The following MYH13 variants were observed in gnomAD, a reference collection of about 807,000 sequenced individuals.
MYH13 encodes myosin heavy chain 13.
Under a neutral mutation model 232.1 loss-of-function variants are expected in MYH13, and 177 were observed. That is an observed-to-expected ratio of 0.76 (90% CI 0.67 to 0.86). The LOEUF is 0.86. Ranked by LOEUF, MYH13 falls within the 40% of genes least tolerant of loss-of-function variation. The pLI, the probability that MYH13 is intolerant of heterozygous loss-of-function variation, is 0.00. For missense variants in MYH13, 2,246 were observed against 2,405.9 expected (o/e 0.93, Z 1.39); for synonymous variants, 884 against 923.5 (o/e 0.96, Z 0.78).
chr17:10,364,676 T>C (rs2071819865), intron 2 of MYH13, 134 bp from the exon 3 acceptor site: 1 of 716,946 alleles, frequency 1.4e-6, no homozygotes, highest in Non-Finnish European at 2.3e-6. Context: ...GAGGGATCTA[T>C]GGCCAGGTCT....
chr17:10,343,968 C>G lies in MYH13; in HGVS notation c.1726G>C (p.Glu576Gln). The change falls in exon 16 of 41, where the codon GAG (glutamate) becomes CAG (glutamine). Residue 576 changes from glutamate to glutamine, a missense_variant. Physicochemically the swap from Glu to Gln is conservative, Grantham distance 29. Transcript: ENST00000252172. Reference sequence around the variant, plus strand: ...TAGTGCACCAGCGAGAAGTGAGCCTCAGCCTTGCCTTTGGCAGGCTTGGGC... The same window carrying G: ...TAGTGCACCAGCGAGAAGTGAGCCTGAGCCTTGCCTTTGGCAGGCTTGGGC... ...QKPKPAKGKAEAHFSLVHYAG... is the reference protein window; with the variant it reads ...QKPKPAKGKAQAHFSLVHYAG... The G allele has an allele frequency of 1.2e-6, 2 of 1,614,232 alleles. No individual in the cohort carries two copies. Among genetic ancestry groups the G allele is most frequent in the Non-Finnish European group, 1.7e-6 (2 of 1,180,044 alleles).
intron 5 of MYH13, 68 bp from the exon 6 acceptor site, chr17:10,360,256 T>C: frequency 2.6e-6 from 4 of 1,537,312 alleles, no homozygotes; most frequent in Non-Finnish European, 3.5e-6. Context: ...TAAAGTAACA[T>C]TGGGGGTGGT....
chr17:10,305,074 C>T (rs1388502565), intron 37 of MYH13, among the ~76,000 whole-genome samples: 1 of 152,208 alleles, frequency 6.6e-6, no homozygotes, highest in East Asian at 1.9e-4. Context: ...ACCTCCTGGA[C>T]CCAGGAAATG....
At chr17:10,341,640 C>T (rs754534431) in intron 16 of MYH13, among the ~76,000 whole-genome samples, 1 of 152,098 alleles carries the variant, frequency 6.6e-6, no homozygotes, top group Non-Finnish European at 1.5e-5. Context: ...ACTTTGTCCC[C>T]GGGGTCTAGC....
At chr17:10,370,922 C>G (rs2071873477) in intron 2 of MYH13, among the ~76,000 whole-genome samples, 1 of 152,156 alleles carries the variant, frequency 6.6e-6, no homozygotes, top group African/African-American at 2.4e-5. Flanking sequence ...ACCCTATGAA[C>G]ATCATGTTCT....
At chr17:10,302,687 G>A (rs879310597) in intron 39 of MYH13, among the ~76,000 whole-genome samples, 22 of 152,062 alleles carry the variant, frequency 1.4e-4, no homozygotes, top group Admixed American at 3.3e-4. Context: ...CTTTCCTATT[G>A]ATTTCACCTA....
chr17:10,305,842 C>T (rs1906261683), intron 37 of MYH13, among the ~76,000 whole-genome samples: 1 of 152,122 alleles, frequency 6.6e-6, no homozygotes, highest in Admixed American at 6.6e-5. Context: ...GTCCAGGTGT[C>T]GGGGGGTTGA....
At position 10,333,244 on chromosome 17, in the gene MYH13, A is replaced by T. The variant is rs1597381682; in HGVS notation, c.2057-53T>A. 5 of 1,296,482 alleles carry T rather than the reference A, an allele frequency of 3.9e-6. No homozygotes were observed. In the African/African-American group the frequency reaches 7.2e-5, roughly 19 times the overall value. The allele number at this position is 1,296,482 out of a possible 1,614,324, so 80.3% of individuals were successfully genotyped here. ...CCTGTGACCCCTTCATTTGTTGTTG[A>T]TGGTCTGAGGCACCATGAGACCCTC... On this transcript the variant is annotated intron_variant, in intron 18 of 40. Transcript: ENST00000252172.
chr17:10,346,027 GAA>G (rs2071664261), intron 13 of MYH13, among the ~76,000 whole-genome samples: 1 of 87,178 alleles, frequency 1.1e-5, no homozygotes, highest in Non-Finnish European at 2.1e-5. Context: ...AAGAAAAAAA[GAA>G]AATCAAAAGC....
At chr17:10,337,506 A>T (rs1229752948) in intron 18 of MYH13, among the ~76,000 whole-genome samples, 3 of 152,072 alleles carry the variant, frequency 2.0e-5, no homozygotes, top group Admixed American at 6.5e-5. Flanking sequence ...GAGGGACTTG[A>T]GATTTGATCA....
intron 3 of MYH13, 102 bp from the exon 4 acceptor site, chr17:10,362,605 C>T (rs1209776688): frequency 5.5e-6 from 8 of 1,453,632 alleles, no homozygotes; most frequent in Non-Finnish European, 6.7e-6. Context: ...GGAGGAATTA[C>T]CGCATTGTGA....
At chr17:10,313,098 C>T (rs1260082789) in intron 30 of MYH13, 60 bp downstream of exon 30, 1 of 1,610,660 alleles carries the variant, frequency 6.2e-7, no homozygotes, top group Non-Finnish European at 8.5e-7. Flanking sequence ...TATGAAGACT[C>T]CTGGTCCCTT....
chr17:10,366,474 G>A (rs9915882), intron 2 of MYH13, among the ~76,000 whole-genome samples: 35,535 of 145,542 alleles, frequency 0.24, 4,625 homozygotes, highest in East Asian at 0.53. Flanking sequence ...TCCACCTCCC[G>A]GGTTCGAGCA....
chr17:10,334,793 C>T (rs748002217), intron 18 of MYH13, among the ~76,000 whole-genome samples: 19 of 151,838 alleles, frequency 1.3e-4, no homozygotes, highest in African/African-American at 1.9e-4. Context: ...TCAAGAGAAT[C>T]GCTTGAACCC....
rs780109248 is a variant in MYH13 at position 10,315,815 on chromosome 17, C to T, written c.3866-4G>A. On this transcript the variant is annotated splice_polypyrimidine_tract_variant and splice_region_variant and intron_variant, in intron 28 of 40. Transcript: ENST00000252172. Reference sequence around the variant, plus strand: ...TCCACTCGGTGGCTCAGCTCCCCTACCAAACAGATGTGGCCCCCACGTCAG... The same window carrying T: ...TCCACTCGGTGGCTCAGCTCCCCTATCAAACAGATGTGGCCCCCACGTCAG... 6.2e-7 allele frequency: 1 copy of T among 1,613,970 alleles called. No individual in the cohort carries two copies. Among genetic ancestry groups the T allele is most frequent in the Non-Finnish European group, 8.5e-7 (1 of 1,179,882 alleles).
intron 8 of MYH13, among the ~76,000 whole-genome samples, chr17:10,355,539 A>T (rs927248503): frequency 1.1e-4 from 16 of 152,224 alleles, no homozygotes; most frequent in Non-Finnish European, 4.4e-5. Flanking sequence ...GATATTGGCC[A>T]CCATGACCTC....
chr17:10,319,655 C>T (rs76015924), intron 26 of MYH13, among the ~76,000 whole-genome samples: 1,841 of 152,276 alleles, frequency 0.012, 37 homozygotes, highest in African/African-American at 0.043. Context: ...CACAAATCCA[C>T]GTCTATCATG....
chr17:10,320,653 A>C, intron 24 of MYH13, 157 bp from the exon 25 acceptor site: 1 of 762,114 alleles, frequency 1.3e-6, no homozygotes, highest in Admixed American at 3.1e-5. Flanking sequence ...TCTTGCCCCT[A>C]CCTCCCCTCT....
In MYH13 at chr17:10,330,437, C is replaced by T; in HGVS notation, c.2385G>A (p.Val795=). The stretch of plus-strand genomic sequence containing the variant: ...CCACCCGCATCAGGTACCCCCTGCA[C>T]ACCGCCTGCGTGCTTGTCATCAGCG... ...LVTLMTSTQA[V]CRGYLMRVEF... is the part of the protein sequence containing the mutation. The change falls in exon 21 of 41, where the codon GTG becomes GTA. Residue 795 remains valine, a synonymous_variant. Transcript: ENST00000252172. 1 of 1,613,576 alleles carries T rather than the reference C, an allele frequency of 6.2e-7. No homozygotes were observed. Among genetic ancestry groups the T allele is most frequent in the Non-Finnish European group, 8.5e-7 (1 of 1,179,814 alleles).
Sources: allele counts gnomAD v4.1 joint callset (sites outside exome capture counted in the v4.1 genomes callset), GRCh38; gene constraint gnomAD v4.1.1; transcripts MANE v1.5; gene names NCBI Gene and HGNC (gene_info 2026-07-23, HGNC 2026-07-21).